The following KLHL35 variants were observed in gnomAD, a reference collection of about 807,000 sequenced individuals.
KLHL35 encodes kelch-like protein 35.
In KLHL35, 50 loss-of-function variants were observed where a neutral mutation model predicts 44.0. The observed-to-expected ratio is 1.14, with a 90% CI of 0.91 to 1.44. KLHL35 has a LOEUF of 1.44. Among genes scored for constraint, KLHL35 ranks in the 40% most tolerant of loss-of-function variants. KLHL35 has a pLI of 0.00. For missense variants in KLHL35, 1,049 were observed against 887.8 expected (o/e 1.18, Z -2.31); for synonymous variants, 470 against 410.4 (o/e 1.15, Z -1.76).
chr11:75,422,504 T>C lies in KLHL35; in HGVS notation c.*76A>G. The C allele has an allele frequency of 7.2e-7, 1 of 1,379,792 alleles. No homozygotes were observed. Among genetic ancestry groups the C allele is most frequent in the East Asian group, 2.3e-5 (1 of 43,056 alleles). The allele number at this position is 1,379,792 out of a possible 1,614,324, so 85.5% of individuals were successfully genotyped here. On this transcript the variant is annotated 3_prime_UTR_variant, in exon 7 of 7. Coordinates refer to ENST00000539798, the MANE Select transcript of KLHL35 (RefSeq NM_001039548.3). The stretch of plus-strand genomic sequence containing the variant: ...AAGTTAAGGGCTGTTTGCGTGGAGG[T>C]GCCATGAGGGAGCAGAGTGTGCATC...
rs1334887492 is a variant in KLHL35, at chr11:75,430,128, C to T, written c.502G>A (p.Ala168Thr). Residue 168 changes from alanine (A) to threonine (T), a missense_variant, in exon 2 of 7, where the codon GCC becomes ACC. By Grantham distance (58) the Ala-to-Thr change is moderately conservative. Coordinates refer to ENST00000539798, the MANE Select transcript of KLHL35 (RefSeq NM_001039548.3). ...CGGCCGCAGCGCTCGGCCAGCGGGG[C>T]CAGCGAGAAGGCGGCGGCCACGCGG... ...LRRVAAAFSL[A>T]PLAERCGRVL... The T allele has an allele frequency of 1.4e-5, 18 of 1,265,748 alleles. No homozygotes were observed. The East Asian group carries it at 4.7e-4, about 33-fold the overall frequency. The allele number at this position is 1,265,748 out of a possible 1,614,324, so 78.4% of individuals were successfully genotyped here.
At position 75,430,400 on chromosome 11, in the gene KLHL35, C is replaced by T. The variant is rs560243327; in HGVS notation, c.230G>A (p.Arg77His). ...RSLFAAGRPE[R>H]GPAVVPVVPV... is the part of the protein sequence containing the mutation. ...CACCACTGGCACCACGGCCGGGCCGCGCTCGGGCCGCCCGGCCGCGAACAA... is the reference window on the plus strand; with the variant it reads ...CACCACTGGCACCACGGCCGGGCCGTGCTCGGGCCGCCCGGCCGCGAACAA... Residue 77 changes from arginine (R) to histidine (H), a missense_variant, in exon 2 of 7, where the codon CGC becomes CAC. Physicochemically the swap from Arg to His is conservative, Grantham distance 29 (BLOSUM62 0). Transcript: ENST00000539798. 34 of 1,374,488 alleles carry T rather than the reference C, an allele frequency of 2.5e-5. No individual in the cohort carries two copies. Among genetic ancestry groups the T allele is most frequent in the Middle Eastern group, 2.5e-4 (1 of 4,076 alleles). The allele number at this position is 1,374,488 out of a possible 1,614,324, so 85.1% of individuals were successfully genotyped here. A position where few individuals can be genotyped will look rare whatever the true frequency, so the allele number is the denominator to read the frequency against.
At chr11:75,426,775 A>C in intron 3 of KLHL35, 137 bp from the exon 4 acceptor site, 9 of 591,602 alleles carry the variant, frequency 1.5e-5, no homozygotes, top group Non-Finnish European at 3.0e-6. Context: ...AGCTGGTGTA[A>C]GACTCTGGAC....
At chr11:75,427,181 TTA>T (rs1244994494) in intron 3 of KLHL35, among the ~76,000 whole-genome samples, 1 of 152,192 alleles carries the variant, frequency 6.6e-6, no homozygotes, top group African/African-American at 2.4e-5. Flanking sequence ...CAGATGAGAC[TTA>T]GAGACCAACA....
intron 4 of KLHL35, 66 bp from the exon 5 acceptor site, chr11:75,425,647 T>C: frequency 7.6e-7 from 1 of 1,314,430 alleles, no homozygotes; most frequent in Non-Finnish European, 9.9e-7. Flanking sequence ...CCTCATCGCT[T>C]CAGTCCTTAC....
rs1459379663 is a variant in KLHL35 at position 75,430,422 on chromosome 11, A to C, written c.208T>G (p.Phe70Val). The change falls in exon 2 of 7, where the codon TTC (phenylalanine) becomes GTC (valine). Residue 70 changes from phenylalanine (F) to valine (V), a missense_variant. By Grantham distance (50) the Phe-to-Val change is conservative (BLOSUM62 -1). Transcript: ENST00000539798. ...SAGSAYFRSL[F>V]AAGRPERGPA... ...CCGCGCTCGGGCCGCCCGGCCGCGA[A>C]CAAGCTGCGGAAGTAGGCGCTGCCC... The C allele has an allele frequency of 7.3e-7, 1 of 1,372,932 alleles. No homozygotes were observed. Among genetic ancestry groups the C allele is most frequent in the East Asian group, 3.2e-5 (1 of 30,902 alleles). The allele number at this position is 1,372,932 out of a possible 1,614,324, so 85.0% of individuals were successfully genotyped here. A position where few individuals can be genotyped will look rare whatever the true frequency, so the allele number is the denominator to read the frequency against.
In KLHL35 at chr11:75,428,569, G is replaced by A; in HGVS notation, c.939C>T (p.Leu313=). The A allele has an allele frequency of 6.2e-7, 1 of 1,610,002 alleles. No homozygotes were observed. Among genetic ancestry groups the A allele is most frequent in the Non-Finnish European group, 8.5e-7 (1 of 1,178,850 alleles). Reference sequence around the variant, plus strand: ...AGGCATCGGCGAAGGGCAGCTTCAGGAGACCTTTGCGGTCGCAACCGCCGA... The same window carrying A: ...AGGCATCGGCGAAGGGCAGCTTCAGAAGACCTTTGCGGTCGCAACCGCCGA... The part of the protein sequence containing the change: ...VVIGGCDRKG[L]LKLPFADAYH... Residue 313 remains leucine, a synonymous_variant, in exon 3 of 7, where the codon CTC becomes CTT. Transcript: ENST00000539798.
chr11:75,422,479 A>C lies in KLHL35; in HGVS notation c.*101T>G. 1 of 1,050,584 alleles carries C rather than the reference A, an allele frequency of 9.5e-7. No homozygotes were observed. The allele number at this position is 1,050,584 out of a possible 1,614,324, so 65.1% of individuals were successfully genotyped here. ...TATTTATACAAGAAAAGGGACCATT[A>C]AGTTAAGGGCTGTTTGCGTGGAGGT... On this transcript the variant is annotated 3_prime_UTR_variant, in exon 7 of 7. Coordinates refer to ENST00000539798, the MANE Select transcript of KLHL35 (RefSeq NM_001039548.3).
Position 75,433,116 on chromosome 11 carries a change from C to T in KLHL35, c.-75G>A, listed in dbSNP as rs1251900836. Reference sequence around the variant, plus strand: ...ATCACTCCCGTTTGTGCCTGCCGCCCGCACCCCTGGCAGCCCAAGCTCCAG... The same window carrying T: ...ATCACTCCCGTTTGTGCCTGCCGCCTGCACCCCTGGCAGCCCAAGCTCCAG... On this transcript the variant is annotated 5_prime_UTR_variant, in exon 1 of 7. Transcript: ENST00000539798. 6.6e-6 allele frequency among the ~76,000 whole-genome samples: 1 copy of T among 152,194 alleles called. No homozygotes were observed. The highest frequency in any genetic ancestry group is 1.5e-5 in the Non-Finnish European group (1 of 68,038).
At chr11:75,430,654 G>T in intron 1 of KLHL35, 24 bp from the exon 2 acceptor site, 1 of 1,326,970 alleles carries the variant, frequency 7.5e-7, no homozygotes, top group Non-Finnish European at 9.6e-7. Flanking sequence ...AACACAAACA[G>T]CGTCGGGGAA....
Position 75,430,500 on chromosome 11 carries a change from C to A in KLHL35, c.130G>T (p.Val44Leu), listed in dbSNP as rs1435237188. 7.0e-7 allele frequency: 1 copy of A among 1,435,838 alleles called. No individual in the cohort carries two copies. The highest frequency in any genetic ancestry group is 9.1e-7 in the Non-Finnish European group (1 of 1,098,518). 88.9% of individuals were successfully genotyped at this position (1,435,838 alleles called of 1,614,324 possible). A position where few individuals can be genotyped will look rare whatever the true frequency, so the allele number is the denominator to read the frequency against. ...YRRSGTLTDV[V>L]LRAGGRDFPC... is the part of the protein sequence containing the mutation. The stretch of plus-strand genomic sequence containing the variant: ...AAGTCGCGCCCGCCGGCGCGCAGCA[C>A]CACGTCGGTGAGGGTGCCGCTCCGC... Residue 44 changes from valine to leucine, a missense_variant, in exon 2 of 7, where the codon GTG becomes TTG. Coordinates refer to ENST00000539798, the MANE Select transcript of KLHL35 (RefSeq NM_001039548.3).
At chr11:75,432,892 A>G (rs1358652106) in intron 1 of KLHL35, among the ~76,000 whole-genome samples, 151 bp downstream of exon 1, 2 of 152,166 alleles carry the variant, frequency 1.3e-5, no homozygotes. Context: ...GCTGACTCGA[A>G]CATGCCACCA....
Position 75,429,853 on chromosome 11 carries a change from G to C in KLHL35, c.777C>G (p.Asp259Glu). 1 of 1,515,868 alleles carries C rather than the reference G, an allele frequency of 6.6e-7. No homozygotes were observed. The highest frequency in any genetic ancestry group is 8.8e-7 in the Non-Finnish European group (1 of 1,140,964). The allele number at this position is 1,515,868 out of a possible 1,614,324, so 93.9% of individuals were successfully genotyped here. The stretch of plus-strand genomic sequence containing the variant: ...ACTCGCCGCAGGCCTGCAGCAGCTC[G>C]TCCGCCTCCACCTTCTCCAGGAAGT... ...PAYFLEKVEADELLQACGECR... is the reference protein window; with the variant it reads ...PAYFLEKVEAEELLQACGECR... Residue 259 changes from aspartate to glutamate, a missense_variant, in exon 2 of 7, where the codon GAC becomes GAG. Physicochemically the swap from Asp to Glu is conservative, Grantham distance 45 (BLOSUM62 2). Transcript: ENST00000539798.
chr11:75,430,730 T>G, intron 1 of KLHL35, 100 bp from the exon 2 acceptor site: 1 of 1,026,984 alleles, frequency 9.7e-7, no homozygotes, highest in Non-Finnish European at 1.3e-6. Context: ...TGACCATTTG[T>G]TCAGCGACTC....
Position 75,430,348 on chromosome 11 carries a change from C to G in KLHL35, c.282G>C (p.Thr94=), listed in dbSNP as rs909433127. Residue 94 remains threonine, a synonymous_variant, in exon 2 of 7, where the codon ACG becomes ACC. Coordinates refer to ENST00000539798, the MANE Select transcript of KLHL35 (RefSeq NM_001039548.3). ...GCGCCGCCGCCGCCCCGGCCGGGCT[C>G]GTGCCTGGCGCCTCGGGAGCTACTG... ...VVPVAPEAPG[T]SPAGAAAALA... is the part of the protein sequence containing the mutation. 1.1e-5 allele frequency: 15 copies of G among 1,310,712 alleles called. No individual in the cohort carries two copies. The highest frequency in any genetic ancestry group is 9.4e-5 in the African/African-American group (6 of 63,650). 81.2% of individuals were successfully genotyped at this position (1,310,712 alleles called of 1,614,324 possible).
intron 1 of KLHL35, among the ~76,000 whole-genome samples, chr11:75,431,340 C>T (rs1365124194): frequency 6.6e-6 from 1 of 152,202 alleles, no homozygotes; most frequent in Non-Finnish European, 1.5e-5. Flanking sequence ...ATTGGGAGCC[C>T]TTTCTGTGCC....
chr11:75,428,373 GC>G lies in KLHL35; in HGVS notation c.1066+68del. On this transcript the variant is annotated intron_variant, in intron 3 of 6. Transcript: ENST00000539798. ...CCCTCTCTCCCGATTGGAGGGAAAA[GC>G]AAAGGGGGTGGAGTGCGGAGGCTAC... The G allele has an allele frequency of 1.9e-6, 3 of 1,551,848 alleles. No homozygotes were observed. The South Asian group carries it at 3.5e-5, about 18-fold the overall frequency.
intron 3 of KLHL35, 195 bp from the exon 4 acceptor site, chr11:75,426,833 G>T: frequency 4.1e-6 from 2 of 484,016 alleles, no homozygotes. Context: ...TCTGAGTTAC[G>T]ACCCTCGAGG....
intron 6 of KLHL35, 21 bp downstream of exon 6, chr11:75,423,671 T>C: frequency 1.2e-6 from 2 of 1,608,638 alleles, no homozygotes; most frequent in Non-Finnish European, 1.7e-6. Flanking sequence ...TCCGCTCTCC[T>C]GCCTTGAAGC....
Sources: gnomAD v4.1 joint callset for allele counts (sites outside exome capture counted in the v4.1 genomes callset) on GRCh38, gnomAD v4.1.1 for gene constraint, MANE v1.5 for transcripts, NCBI Gene and HGNC (gene_info 2026-07-23, HGNC 2026-07-21) for gene names.